Variants in L3MBTL1 observed in about 807,000 individuals in gnomAD.
L3MBTL1 encodes L3MBTL histone methyl-lysine binding protein 1, also known as lethal(3)malignant brain tumor-like protein 1.
L3MBTL1 carries 75 observed loss-of-function variants against 105.3 expected under a neutral mutation model. That is an observed-to-expected ratio of 0.71 (90% CI 0.59 to 0.86). The LOEUF is 0.86. L3MBTL1 is among the 40% of genes least tolerant of loss of function. L3MBTL1 has a pLI of 0.00. For missense variants in L3MBTL1, 1,069 were observed against 1,126.4 expected (o/e 0.95, Z 0.73); for synonymous variants, 452 against 436.2 (o/e 1.04, Z -0.45).
intron 8 of L3MBTL1, 54 bp from the exon 9 acceptor site, chr20:43,529,210 G>A (rs2019195843): frequency 7.1e-7 from 1 of 1,413,182 alleles, no homozygotes; most frequent in East Asian, 2.4e-5. Context: ...AAGCCCACTA[G>A]GCAAGGATAA....
chr20:43,530,647 C>A, intron 10 of L3MBTL1, 151 bp from the exon 11 acceptor site: 1 of 815,384 alleles, frequency 1.2e-6, no homozygotes, highest in Non-Finnish European at 2.0e-6. Context: ...CAAGTCGTGT[C>A]CTGCTTCAGT....
intron 18 of L3MBTL1, among the ~76,000 whole-genome samples, chr20:43,547,031 G>T (rs1221199041): frequency 2.0e-5 from 3 of 151,316 alleles, no homozygotes; most frequent in African/African-American, 7.3e-5. Flanking sequence ...AATTGGTTTT[G>T]GTTTTTATGT....
intron 8 of L3MBTL1, 146 bp from the exon 9 acceptor site, chr20:43,529,118 A>T: frequency 1.6e-6 from 1 of 643,182 alleles, no homozygotes; most frequent in South Asian, 1.9e-5. Context: ...CTCTCTCTAG[A>T]TCCCTGTAGT....
chr20:43,537,545 G>A (rs6103371), intron 19 of L3MBTL1, among the ~76,000 whole-genome samples: 20,382 of 152,142 alleles, frequency 0.13, 1,597 homozygotes, highest in African/African-American at 0.18. Flanking sequence ...CCATTCAGAG[G>A]CACTGGGGGT....
At chr20:43,542,810 C>T (rs1051651459), downstream of L3MBTL1, among the ~76,000 whole-genome samples, 4 of 152,156 alleles carry the variant, frequency 2.6e-5, no homozygotes, top group Admixed American at 2.6e-4. Context: ...AGGTCTGTCT[C>T]TGCACAGTGT....
chr20:43,530,143 T>A (rs1211295691), intron 9 of L3MBTL1, 141 bp from the exon 10 acceptor site: 4 of 965,766 alleles, frequency 4.1e-6, no homozygotes, highest in Non-Finnish European at 6.4e-6. Flanking sequence ...GGGGTACAAT[T>A]GGGAGGAAAG....
chr20:43,513,087 T>C (rs1282175229), intron 1 of L3MBTL1, among the ~76,000 whole-genome samples: 5 of 152,126 alleles, frequency 3.3e-5, no homozygotes, highest in African/African-American at 9.7e-5. Context: ...CCAGTGGGGA[T>C]AGAGGTGGGG....
chr20:43,544,495 A>T (rs765849073), downstream of L3MBTL1, among the ~76,000 whole-genome samples: 1 of 152,196 alleles, frequency 6.6e-6, no homozygotes, highest in Non-Finnish European at 1.5e-5. Context: ...CACAGACAAC[A>T]TCTTAGATTT....
At chr20:43,513,426 G>GT (rs896311220) in intron 1 of L3MBTL1, 50 bp from the exon 2 acceptor site, 8 of 1,498,074 alleles carry the variant, frequency 5.3e-6, no homozygotes, top group Non-Finnish European at 7.2e-6. Context: ...CATTGCTGCT[G>GT]TAACAAAGGT....
chr20:43,532,618 C>T, intron 11 of L3MBTL1, 155 bp from the exon 12 acceptor site: 1 of 774,158 alleles, frequency 1.3e-6, no homozygotes, highest in Non-Finnish European at 2.1e-6. Flanking sequence ...TGATTCTGCC[C>T]TGGAGGGCCC....
chr20:43,523,594 T>C, intron 7 of L3MBTL1: 1 of 226,596 alleles, frequency 4.4e-6, no homozygotes, highest in Non-Finnish European at 9.2e-6. Flanking sequence ...CACCCTGTCC[T>C]GTGCAGACAG....
At chr20:43,537,943 A>G (rs2019714857) in intron 19 of L3MBTL1, among the ~76,000 whole-genome samples, 1 of 152,168 alleles carries the variant, frequency 6.6e-6, no homozygotes, top group Non-Finnish European at 1.5e-5. Context: ...CCTTATCTGT[A>G]AAATGCTGAT....
At chr20:43,513,355 C>T in intron 1 of L3MBTL1, 121 bp from the exon 2 acceptor site, 1 of 987,554 alleles carries the variant, frequency 1.0e-6, no homozygotes, top group South Asian at 1.6e-5. Flanking sequence ...AGGCCTTTCT[C>T]TGCAGGTCAC....
intron 12 of L3MBTL1, among the ~76,000 whole-genome samples, 172 bp from the exon 13 acceptor site, chr20:43,533,170 T>G (rs2019428673): frequency 6.6e-6 from 1 of 152,138 alleles, no homozygotes; most frequent in Non-Finnish European, 1.5e-5. Flanking sequence ...TTAGATATTA[T>G]GGTGATGGTA....
intron 1 of L3MBTL1, among the ~76,000 whole-genome samples, chr20:43,512,256 T>C (rs1258412974): frequency 1.3e-5 from 2 of 152,082 alleles, no homozygotes; most frequent in African/African-American, 4.8e-5. Context: ...ATGGCAGCAA[T>C]GGAGATGGAG....
downstream of L3MBTL1, among the ~76,000 whole-genome samples, chr20:43,543,381 G>A (rs1225426495): frequency 2.6e-5 from 4 of 152,168 alleles, no homozygotes; most frequent in Non-Finnish European, 5.9e-5. Context: ...TGTTCAGCCA[G>A]CTGCAGAGCC....
rs764762278 is a variant in L3MBTL1 at position 43,541,141 on chromosome 20, T to C, written c.*13T>C. On this transcript the variant is annotated 3_prime_UTR_variant, in exon 22 of 22. Transcript: ENST00000418998. ...TAGTCAATATTAAAGTGTACTTTTT[T>C]CCCCTTTAATCCAATATAGTTGATA... is the stretch of plus-strand genomic sequence containing the variant. 2.5e-6 allele frequency: 4 copies of C among 1,608,162 alleles called. No individual in the cohort carries two copies. Among genetic ancestry groups the C allele is most frequent in the Admixed American group, 1.7e-5 (1 of 59,836 alleles).
At chr20:43,508,957 G>A (rs1285007063) in intron 1 of L3MBTL1, among the ~76,000 whole-genome samples, 1 of 152,186 alleles carries the variant, frequency 6.6e-6, no homozygotes, top group East Asian at 1.9e-4. Context: ...TTCAAGTGAG[G>A]TAGCTCCCTA....
chr20:43,509,820 T>C (rs776316288), intron 1 of L3MBTL1, among the ~76,000 whole-genome samples: 1 of 152,214 alleles, frequency 6.6e-6, no homozygotes, highest in Non-Finnish European at 1.5e-5. Context: ...AGTAACCACA[T>C]TCACTCTTAA....
Sources: gnomAD v4.1 joint callset for allele counts (sites outside exome capture counted in the v4.1 genomes callset) on GRCh38, gnomAD v4.1.1 for gene constraint, MANE v1.5 for transcripts, NCBI Gene and HGNC (gene_info 2026-07-23, HGNC 2026-07-21) for gene names.